The following RNF2 variants were observed in gnomAD, a reference collection of about 807,000 sequenced individuals.
RNF2 encodes the protein ring finger protein 2.
A neutral mutation model predicts 37.2 loss-of-function variants in RNF2; 6 were observed. The observed-to-expected ratio is 0.16, with a 90% confidence interval of 0.09 to 0.32. RNF2 has a LOEUF of 0.32. Ranked by LOEUF, RNF2 falls within the 10% of genes least tolerant of loss-of-function variation. The pLI is 1.00. For missense variants in RNF2, 251 were observed against 404.0 expected (o/e 0.62, Z 3.25); for synonymous variants, 133 against 132.7 (o/e 1.00, Z -0.02).
chr1:185,099,436 A>G (rs1652012955), intron 5 of RNF2, among the ~76,000 whole-genome samples: 2 of 152,302 alleles, frequency 1.3e-5, no homozygotes, highest in South Asian at 4.1e-4. Context: ...TGTTGCTGCT[A>G]TAGCCAGCAG....
chr1:185,076,729 G>A lies in RNF2; in HGVS notation c.-2-10823G>A, dbSNP rs547603450. Among the ~76,000 whole-genome samples, 65 of 151,054 alleles carry A rather than the reference G, an allele frequency of 4.3e-4. No homozygotes were observed. In the South Asian group the frequency reaches 0.014, roughly 32 times the overall value. On this transcript the variant is annotated intron_variant, in intron 1 of 6. Coordinates refer to ENST00000367510, the MANE Select transcript of RNF2 (RefSeq NM_007212.4). ...TAAAATACCCTAAATTCACATATCT[G>A]TTTTTGAGCCCTTTGTTTTGTTATA...
intron 4 of RNF2, among the ~76,000 whole-genome samples, chr1:185,094,738 A>G (rs1651865062): frequency 6.6e-6 from 1 of 152,208 alleles, no homozygotes; most frequent in African/African-American, 2.4e-5. Flanking sequence ...AAAAGACTTT[A>G]ATGATGGTTT....
chr1:185,073,008 T>C (rs1250519628), intron 1 of RNF2, among the ~76,000 whole-genome samples: 2 of 151,424 alleles, frequency 1.3e-5, no homozygotes, highest in African/African-American at 2.4e-5. Flanking sequence ...TTTAGATTTC[T>C]TTTTTAATTG....
chr1:185,085,972 C>G (rs1287482759), intron 1 of RNF2, among the ~76,000 whole-genome samples: 1 of 152,134 alleles, frequency 6.6e-6, no homozygotes, highest in Non-Finnish European at 1.5e-5. Context: ...CTTTTAGTAT[C>G]TTCCAATCAC....
At chr1:185,057,442 T>C (rs1650466819) in intron 1 of RNF2, among the ~76,000 whole-genome samples, 1 of 152,236 alleles carries the variant, frequency 6.6e-6, no homozygotes, top group Non-Finnish European at 1.5e-5. Context: ...GGTTCGTTTA[T>C]AAGTTTTTTT....
At chr1:185,054,166 CTAAT>C (rs1215722134) in intron 1 of RNF2, among the ~76,000 whole-genome samples, 5 of 152,242 alleles carry the variant, frequency 3.3e-5, no homozygotes, top group Admixed American at 1.3e-4. Context: ...AAGTTTTACT[CTAAT>C]TATCCACTCC....
rs543469308 is a variant in RNF2 at position 185,087,726 on chromosome 1, A to G, written c.87+86A>G. 4.0e-4 allele frequency: 370 copies of G among 935,164 alleles called. 3 individuals are homozygous for G. The South Asian group carries it at 5.1e-3, about 13-fold the overall frequency. The allele number at this position is 935,164 out of a possible 1,614,324, so 57.9% of individuals were successfully genotyped here. On this transcript the variant is annotated intron_variant, in intron 2 of 6. Transcript: ENST00000367510. ...GAACATGAAAACTTAAATAGAACAT[A>G]GAGTAATAATAAATTTATATTCAAG...
chr1:185,089,554 A>T (rs941671692), intron 2 of RNF2, among the ~76,000 whole-genome samples: 1 of 152,118 alleles, frequency 6.6e-6, no homozygotes, highest in African/African-American at 2.4e-5. Flanking sequence ...CATTCTCATC[A>T]TTGGTTCATG....
chr1:185,096,892 C>T (rs1233580880), intron 4 of RNF2, among the ~76,000 whole-genome samples: 1 of 146,394 alleles, frequency 6.8e-6, no homozygotes, highest in Non-Finnish European at 1.5e-5. Flanking sequence ...AACCATTGGA[C>T]TGTTATTTCT....
rs76488232 is a variant in RNF2 at position 185,080,211 on chromosome 1, G to T, written c.-2-7341G>T. On this transcript the variant is annotated intron_variant, in intron 1 of 6. Transcript: ENST00000367510. ...TCCTCTTTGTCTACTCTGTGTATAT[G>T]TTAGTATCTATACATAGGTGACTCT... 2.5e-3 allele frequency among the ~76,000 whole-genome samples: 383 copies of T among 152,160 alleles called. 3 individuals are homozygous for T. The highest frequency in any genetic ancestry group is 8.8e-3 in the African/African-American group (365 of 41,504).
chr1:185,091,023 C>T (rs981260615), intron 2 of RNF2, among the ~76,000 whole-genome samples: 10 of 152,114 alleles, frequency 6.6e-5, no homozygotes, highest in African/African-American at 9.7e-5. Flanking sequence ...AAAGAATTTT[C>T]GGGGTTCAAA....
At chr1:185,089,350 C>G (rs1651698085) in intron 2 of RNF2, among the ~76,000 whole-genome samples, 1 of 152,146 alleles carries the variant, frequency 6.6e-6, no homozygotes, top group Non-Finnish European at 1.5e-5. Flanking sequence ...GAGAATATGC[C>G]TAAGTTATAT....
intron 1 of RNF2, among the ~76,000 whole-genome samples, chr1:185,083,395 C>T (rs1294199292): frequency 1.3e-5 from 2 of 152,038 alleles, no homozygotes; most frequent in African/African-American, 2.4e-5. Flanking sequence ...TTGTTTTAGC[C>T]TATGAACAAG....
Position 185,068,710 on chromosome 1 carries a change from T to G in RNF2, c.-2-18842T>G, listed in dbSNP as rs552647578. On this transcript the variant is annotated intron_variant, in intron 1 of 6. Transcript: ENST00000367510. ...GTGAGAGAATAACTTACTGTTGTTATAAGCCTTCAAATTTGTGATAATGTT... is the reference window on the plus strand; with the variant it reads ...GTGAGAGAATAACTTACTGTTGTTAGAAGCCTTCAAATTTGTGATAATGTT... 2.6e-5 allele frequency among the ~76,000 whole-genome samples: 4 copies of G among 152,376 alleles called. No individual in the cohort carries two copies. In the East Asian group the frequency reaches 5.8e-4, roughly 22 times the overall value.
chr1:185,098,749 C>A (rs1369227303), intron 5 of RNF2, among the ~76,000 whole-genome samples: 7 of 151,948 alleles, frequency 4.6e-5, no homozygotes, highest in Non-Finnish European at 1.0e-4. Context: ...TAAAAATCCT[C>A]AAATTAACTT....
chr1:185,094,967 C>G (rs1651871543), intron 4 of RNF2, among the ~76,000 whole-genome samples: 1 of 152,150 alleles, frequency 6.6e-6, no homozygotes, highest in Non-Finnish European at 1.5e-5. Flanking sequence ...ATCCCGGTCC[C>G]AGTAATCAGC....
intron 1 of RNF2, among the ~76,000 whole-genome samples, chr1:185,075,288 T>C (rs1468635808): frequency 2.0e-5 from 3 of 152,114 alleles, no homozygotes; most frequent in African/African-American, 7.2e-5. Context: ...GCTACTGTAT[T>C]GTGTATTTCT....
chr1:185,051,815 T>G (rs1557957911), intron 1 of RNF2, among the ~76,000 whole-genome samples: 1 of 150,166 alleles, frequency 6.7e-6, no homozygotes, highest in Admixed American at 6.6e-5. Flanking sequence ...TTTACATATA[T>G]ATACACACAT....
intron 5 of RNF2, among the ~76,000 whole-genome samples, chr1:185,099,279 C>G (rs1325820979): frequency 6.6e-6 from 1 of 152,004 alleles, no homozygotes. Context: ...AACTCCTGAC[C>G]TCAAGTGATC....
Sources: gnomAD v4.1 joint callset for allele counts (sites outside exome capture counted in the v4.1 genomes callset) on GRCh38, gnomAD v4.1.1 for gene constraint, MANE v1.5 for transcripts, NCBI Gene and HGNC (gene_info 2026-07-23, HGNC 2026-07-21) for gene names.